Variants in RYR2 observed in about 807,000 individuals in gnomAD.
RYR2 encodes ryanodine receptor 2.
A neutral mutation model predicts 601.1 loss-of-function variants in RYR2; 227 were observed. That is an observed-to-expected ratio of 0.38 (90% CI 0.34 to 0.42). RYR2 has a LOEUF of 0.42. Among genes scored for constraint, RYR2 ranks in the 10% least tolerant of loss-of-function variants. The pLI is 1.00. For missense variants in RYR2, 4,646 were observed against 6,156.5 expected, an observed-to-expected ratio of 0.75 and a Z score of 8.21; for synonymous variants, 2,223 against 2,175.1, an observed-to-expected ratio of 1.02 and a Z score of -0.61.
At chr1:237,045,757 CTT>C (rs1279495705) in intron 1 of RYR2, among the ~76,000 whole-genome samples, 1 of 135,104 alleles carries the variant, frequency 7.4e-6, no homozygotes, top group African/African-American at 2.7e-5. Flanking sequence ...AAACACGCAT[CTT>C]TTTCGTTATG....
chr1:237,721,653 T>C (rs914308068), intron 73 of RYR2, among the ~76,000 whole-genome samples: 12 of 151,930 alleles, frequency 7.9e-5, no homozygotes, highest in African/African-American at 2.9e-4. Flanking sequence ...CGAGTAGCTG[T>C]GATTACAGGC....
At chr1:237,813,428 A>G (rs950620382) in intron 100 of RYR2, among the ~76,000 whole-genome samples, 2 of 152,218 alleles carry the variant, frequency 1.3e-5, no homozygotes, top group Non-Finnish European at 2.9e-5. Flanking sequence ...TCAGGTAGTG[A>G]GAACAATATG....
At position 237,801,392 on chromosome 1, in the gene RYR2, AT is replaced by A. The variant is rs1659950623; in HGVS notation, c.14091-462del. On this transcript the variant is annotated intron_variant, in intron 97 of 104. Coordinates refer to ENST00000366574, the MANE Select transcript of RYR2 (RefSeq NM_001035.3). ...CAAAAAAAAAAAAAAAAAAAAAAAA[AT>A]TCGCTGGGAGCGGTAGCACATGCCT... 3.6e-5 allele frequency among the ~76,000 whole-genome samples: 5 copies of A among 138,924 alleles called. No individual in the cohort carries two copies. In the South Asian group the frequency reaches 9.1e-4, roughly 25 times the overall value. The allele number at this position is 138,924 out of a possible 152,430, so 91.1% of individuals were successfully genotyped here.
chr1:237,694,668 C>A (rs1306517513), intron 63 of RYR2, among the ~76,000 whole-genome samples: 1 of 152,114 alleles, frequency 6.6e-6, no homozygotes, highest in Non-Finnish European at 1.5e-5. Context: ...ACAGATAATT[C>A]TTTCAGTTGA....
intron 2 of RYR2, among the ~76,000 whole-genome samples, chr1:237,284,635 ATAGT>A (rs1005852185): frequency 5.0e-4 from 69 of 137,194 alleles, no homozygotes; most frequent in African/African-American, 1.8e-3. Flanking sequence ...GTATATATGT[ATAGT>A]GTGTGTATAT....
chr1:237,590,883 C>T lies in RYR2; in HGVS notation c.4051C>T (p.His1351Tyr), dbSNP rs1559076597. ...CTTTGAGGTTCTGATGAAGACAGCTCATGGCCATCTAGTGCCCGATCGTGT... is the reference window on the plus strand; with the variant it reads ...CTTTGAGGTTCTGATGAAGACAGCTTATGGCCATCTAGTGCCCGATCGTGT... The part of the protein sequence containing the change: ...SDFEVLMKTA[H>Y]GHLVPDRVDK... Residue 1351 changes from histidine (H) to tyrosine (Y), a missense_variant, in exon 31 of 105, where the codon CAT becomes TAT. Physicochemically the swap from His to Tyr is moderately conservative, Grantham distance 83. Around this residue, in one of 17 missense-constraint regions of RYR2, gnomAD observed 1,807 missense variants for 2,088.1 expected, o/e 0.87. Transcript: ENST00000366574. The T allele has an allele frequency of 6.2e-7, 1 of 1,613,770 alleles. No homozygotes were observed. Among genetic ancestry groups the T allele is most frequent in the Non-Finnish European group, 8.5e-7 (1 of 1,179,878 alleles).
At chr1:237,204,051 C>G (rs188048624) in intron 1 of RYR2, among the ~76,000 whole-genome samples, 1 of 152,178 alleles carries the variant, frequency 6.6e-6, no homozygotes, top group Non-Finnish European at 1.5e-5. Context: ...TGCTCTGTTG[C>G]CCAGGCTGGA....
At chr1:237,685,426 T>C (rs1362694783) in intron 62 of RYR2, among the ~76,000 whole-genome samples, 1 of 152,160 alleles carries the variant, frequency 6.6e-6, no homozygotes. Context: ...TACATATAAT[T>C]TGATAAATGA....
intron 71 of RYR2, 129 bp from the exon 72 acceptor site, chr1:237,717,068 CA>C (rs1338871982): frequency 2.7e-6 from 2 of 735,310 alleles, no homozygotes; most frequent in African/African-American, 3.6e-5. Context: ...ATTCTCAAAA[CA>C]GGAGGATTTT....
chr1:237,558,666 C>T (rs1295332870), intron 27 of RYR2, among the ~76,000 whole-genome samples: 2 of 152,110 alleles, frequency 1.3e-5, no homozygotes, highest in East Asian at 1.9e-4. Context: ...ATTTGGGAAG[C>T]TTCTGGCCAT....
intron 8 of RYR2, among the ~76,000 whole-genome samples, chr1:237,378,978 A>G (rs935239001): frequency 1.3e-5 from 2 of 152,204 alleles, no homozygotes; most frequent in East Asian, 3.8e-4. Context: ...TGTAGGTAGA[A>G]ATAGTCACCA....
At chr1:237,789,656 T>C (rs1407798070) in intron 92 of RYR2, among the ~76,000 whole-genome samples, 1 of 122,310 alleles carries the variant, frequency 8.2e-6, no homozygotes, top group East Asian at 3.0e-4. Flanking sequence ...TGTGTTTAAC[T>C]ACAGTTGTGT....
chr1:237,347,199 T>C (rs1302842008), intron 3 of RYR2, among the ~76,000 whole-genome samples: 1 of 152,072 alleles, frequency 6.6e-6, no homozygotes, highest in Non-Finnish European at 1.5e-5. Flanking sequence ...GGTGCGCACC[T>C]GTAGTCCCAG....
chr1:237,174,691 G>T (rs1228730928), intron 1 of RYR2, among the ~76,000 whole-genome samples: 1 of 152,150 alleles, frequency 6.6e-6, no homozygotes, highest in African/African-American at 2.4e-5. Flanking sequence ...TCAAATAGGA[G>T]TTAGCAGAGT....
At chr1:237,657,892 T>A in intron 53 of RYR2, 52 bp from the exon 54 acceptor site, 1 of 979,870 alleles carries the variant, frequency 1.0e-6, no homozygotes, top group African/African-American at 1.7e-5. Flanking sequence ...TTAATATGAT[T>A]TCCTGTAAAT....
At chr1:237,431,687 T>C (rs1272987918) in intron 12 of RYR2, among the ~76,000 whole-genome samples, 2 of 152,174 alleles carry the variant, frequency 1.3e-5, no homozygotes, top group African/African-American at 4.8e-5. Flanking sequence ...AGTTGTACTA[T>C]TTGGTCTAAA....
intron 58 of RYR2, among the ~76,000 whole-genome samples, chr1:237,668,566 C>T (rs1008628647): frequency 3.3e-5 from 5 of 152,188 alleles, no homozygotes; most frequent in East Asian, 1.9e-4. Context: ...TATGCGCTGT[C>T]GTTAATGACT....
intron 1 of RYR2, among the ~76,000 whole-genome samples, chr1:237,085,317 T>C (rs1666191822): frequency 1.3e-5 from 2 of 152,224 alleles, no homozygotes; most frequent in African/African-American, 4.8e-5. Context: ...GAGTCAAGTC[T>C]TTGGAGTCAA....
rs1553268265 is a variant in RYR2, at chr1:237,042,485, G to A, written c.-37G>A. On this transcript the variant is annotated 5_prime_UTR_variant, in exon 1 of 105. Coordinates refer to ENST00000366574, the MANE Select transcript of RYR2 (RefSeq NM_001035.3). ...CCGCCGCCGCCGCCGAGCTCCGCGG[G>A]GCTCGGGAGCCGGCCCCGGCGAGGA... 3.2e-6 allele frequency: 4 copies of A among 1,244,524 alleles called. No individual in the cohort carries two copies. Among genetic ancestry groups the A allele is most frequent in the Non-Finnish European group, 4.1e-6 (4 of 985,868 alleles). The allele number at this position is 1,244,524 out of a possible 1,614,324, so 77.1% of individuals were successfully genotyped here. A position where few individuals can be genotyped will look rare whatever the true frequency, so the allele number is the denominator to read the frequency against.
Sources: allele counts gnomAD v4.1 joint callset (sites outside exome capture counted in the v4.1 genomes callset), GRCh38; gene constraint gnomAD v4.1.1; regional missense constraint gnomAD v4.1.1; transcripts MANE v1.5; gene names NCBI Gene and HGNC (gene_info 2026-07-23, HGNC 2026-07-21).